PHLPP1: variants seen among roughly 807,000 people sequenced by gnomAD.
PHLPP1 encodes PH domain leucine-rich repeat-containing protein phosphatase 1.
A neutral mutation model predicts 117.2 loss-of-function variants in PHLPP1; 42 were observed. The ratio of observed to expected loss-of-function variants is 0.36; its 90% CI spans 0.28 to 0.46. The LOEUF is 0.46. Ranked by LOEUF, PHLPP1 falls within the 20% of genes least tolerant of loss-of-function variation. The pLI is 1.00. For synonymous variants in PHLPP1, 1,042 were observed against 970.7 expected (o/e 1.07, Z -1.37); for missense variants, 2,084 against 2,241.9 (o/e 0.93, Z 1.42).
At chr18:62,803,296 A>G (rs1470838887) in intron 1 of PHLPP1, among the ~76,000 whole-genome samples, 1 of 152,188 alleles carries the variant, frequency 6.6e-6, no homozygotes, top group African/African-American at 2.4e-5. Context: ...AAGGTATGCA[A>G]GTCTTCATCA....
intron 1 of PHLPP1, among the ~76,000 whole-genome samples, chr18:62,805,432 A>G (rs34089736): frequency 0.057 from 8,644 of 152,154 alleles, 340 homozygotes; most frequent in Middle Eastern, 0.088. Context: ...CATAGAGGTC[A>G]CTGCAACCTT....
chr18:62,960,108 ATTT>A (rs1307054293), intron 13 of PHLPP1, among the ~76,000 whole-genome samples: 2 of 152,236 alleles, frequency 1.3e-5, no homozygotes, highest in Admixed American at 6.5e-5. Context: ...GGATACAAAA[ATTT>A]TTGAGCATTT....
rs527573306 is a variant in PHLPP1 at position 62,794,499 on chromosome 18, A to G, written c.1577-35536A>G. On this transcript the variant is annotated intron_variant, in intron 1 of 16. Transcript: ENST00000262719. ...CTCTTAACCTCAACCTTCTAAGTAG[A>G]TGGGACTACAGCTGCACATCACCAT... Among the ~76,000 whole-genome samples, 9 of 151,902 alleles carry G rather than the reference A, an allele frequency of 5.9e-5. No homozygotes were observed. The South Asian group carries it at 1.9e-3, about 32-fold the overall frequency.
At chr18:62,970,027 T>A (rs1400397876) in intron 14 of PHLPP1, among the ~76,000 whole-genome samples, 2 of 152,196 alleles carry the variant, frequency 1.3e-5, no homozygotes, top group African/African-American at 4.8e-5. Context: ...ATCTGTTCTT[T>A]ATTTCCTTTT....
chr18:62,825,089 G>A (rs1415681201), intron 1 of PHLPP1, among the ~76,000 whole-genome samples: 1 of 151,928 alleles, frequency 6.6e-6, no homozygotes, highest in Non-Finnish European at 1.5e-5. Flanking sequence ...CTCCCGAGTA[G>A]CTAGGACTAT....
chr18:62,860,481 T>C lies in PHLPP1; in HGVS notation c.1946T>C (p.Leu649Pro), dbSNP rs1319983889. ...TCAGTGGACCTCTCGTGTTGTAGCC[T>C]GGAACATCTGCCTGCCAACCTCTTC... ...ISSVDLSCCS[L>P]EHLPANLFYS... Residue 649 changes from leucine to proline, a missense_variant, in exon 4 of 17, where the codon CTG (leucine) becomes CCG (proline). Around this residue, in one of 2 missense-constraint regions of PHLPP1, gnomAD observed 1,365 missense variants for 1,605.9 expected, o/e 0.85. Coordinates refer to ENST00000262719, the MANE Select transcript of PHLPP1 (RefSeq NM_194449.4). 1.2e-6 allele frequency: 2 copies of C among 1,613,854 alleles called. No homozygotes were observed. Among genetic ancestry groups the C allele is most frequent in the Non-Finnish European group, 8.5e-7 (1 of 1,179,860 alleles).
intron 10 of PHLPP1, among the ~76,000 whole-genome samples, chr18:62,930,033 A>G (rs1909760166): frequency 6.6e-6 from 1 of 152,220 alleles, no homozygotes; most frequent in Admixed American, 6.5e-5. Context: ...ATCGATTGCC[A>G]TCTAGGCAAT....
intron 1 of PHLPP1, among the ~76,000 whole-genome samples, chr18:62,747,178 A>ATTTTTAAT (rs1294207893): frequency 6.8e-6 from 1 of 146,684 alleles, no homozygotes; most frequent in Middle Eastern, 3.3e-3. Context: ...TTATGCTCTT[A>ATTTTTAAT]TTTTTAATTC....
intron 2 of PHLPP1, among the ~76,000 whole-genome samples, chr18:62,830,759 T>A (rs1478351274): frequency 1.3e-5 from 2 of 152,210 alleles, no homozygotes; most frequent in Non-Finnish European, 2.9e-5. Context: ...GCATTTTACC[T>A]ACTGGACAGA....
intron 1 of PHLPP1, among the ~76,000 whole-genome samples, chr18:62,724,095 C>T (rs754805263): frequency 6.6e-5 from 10 of 152,312 alleles, no homozygotes; most frequent in African/African-American, 2.4e-4. Flanking sequence ...AAGCAGACCT[C>T]CTCTTTGGTG....
Position 62,838,846 on chromosome 18 carries a change from G to T in PHLPP1, c.1836G>T (p.Gln612His), listed in dbSNP as rs1375968141. ...LAFSSSGPQS[Q>H]TYYICFDTFT... ...TTAGCTCCTCTGGACCCCAAAGCCA[G>T]ACTTACTACATTTGCTTTGATACTT... Residue 612 changes from glutamine to histidine, a missense_variant, in exon 3 of 17, where the codon CAG becomes CAT. Gln to His is a conservative substitution (Grantham distance 24). This residue lies in a region of PHLPP1 where 1,365 missense variants were observed against 1,605.9 expected (regional missense o/e 0.85). Coordinates refer to ENST00000262719, the MANE Select transcript of PHLPP1 (RefSeq NM_194449.4). 1 of 1,613,772 alleles carries T rather than the reference G, an allele frequency of 6.2e-7. No homozygotes were observed. The highest frequency in any genetic ancestry group is 1.1e-5 in the South Asian group (1 of 91,078).
intron 9 of PHLPP1, among the ~76,000 whole-genome samples, chr18:62,918,622 G>A (rs897595509): frequency 3.9e-5 from 6 of 151,966 alleles, no homozygotes; most frequent in Admixed American, 3.9e-4. Context: ...GTTGAGACAG[G>A]TTGCTAGCAT....
intron 7 of PHLPP1, among the ~76,000 whole-genome samples, chr18:62,904,001 A>C (rs1916788300): frequency 6.6e-6 from 1 of 152,228 alleles, no homozygotes; most frequent in South Asian, 2.1e-4. Flanking sequence ...AGTGTTCACT[A>C]CTGCAAGTTG....
chr18:62,854,763 C>T (rs1255846159), intron 3 of PHLPP1, among the ~76,000 whole-genome samples: 3 of 141,438 alleles, frequency 2.1e-5, no homozygotes, highest in Non-Finnish European at 4.5e-5. Flanking sequence ...ATGGCTCAAT[C>T]TTGGTTCACT....
chr18:62,956,377 G>A (rs1463570421), intron 12 of PHLPP1, among the ~76,000 whole-genome samples: 1 of 152,240 alleles, frequency 6.6e-6, no homozygotes, highest in South Asian at 2.1e-4. Context: ...CCATGCATGA[G>A]GGCAAAGCCC....
chr18:62,829,185 G>A (rs1215740124), intron 1 of PHLPP1, among the ~76,000 whole-genome samples: 1 of 152,090 alleles, frequency 6.6e-6, no homozygotes, highest in Non-Finnish European at 1.5e-5. Flanking sequence ...TGCTGGGATA[G>A]TATTTCTAAT....
chr18:62,940,354 C>CTTTTTTTTTTTTTTTTTTT lies in PHLPP1; in HGVS notation c.2961-1354_2961-1336dup, dbSNP rs66530466. On this transcript the variant is annotated intron_variant, in intron 10 of 16. Transcript: ENST00000262719. ...ATCCACGTTTCTTTTTCTTTCTTTT[C>CTTTTTTTTTTTTTTTTTTT]TTTTTTTTTTTTTTTTTTTTTTTTT... Among the ~76,000 whole-genome samples, 78 of 46,832 alleles carry CTTTTTTTTTTTTTTTTTTT rather than the reference C, an allele frequency of 1.7e-3. 3 individuals are homozygous for CTTTTTTTTTTTTTTTTTTT. Among genetic ancestry groups the CTTTTTTTTTTTTTTTTTTT allele is most frequent in the Non-Finnish European group, 2.0e-3 (56 of 27,330 alleles). The allele number at this position is 46,832 out of a possible 152,430, so 30.7% of individuals were successfully genotyped here. A position where few individuals can be genotyped will look rare whatever the true frequency, so the allele number is the denominator to read the frequency against.
At chr18:62,928,597 A>G (rs945036018) in intron 10 of PHLPP1, among the ~76,000 whole-genome samples, 4 of 152,192 alleles carry the variant, frequency 2.6e-5, no homozygotes, top group Middle Eastern at 3.2e-3. Flanking sequence ...TGGAAAACAG[A>G]TTGTCAGTTC....
intron 13 of PHLPP1, among the ~76,000 whole-genome samples, chr18:62,961,458 TC>T (rs1225164068): frequency 6.6e-6 from 1 of 152,094 alleles, no homozygotes; most frequent in African/African-American, 2.4e-5. Flanking sequence ...ATTTTTTTTT[TC>T]CTTTAATAAT....
Sources: gnomAD v4.1 joint callset for allele counts (sites outside exome capture counted in the v4.1 genomes callset) on GRCh38, gnomAD v4.1.1 for gene constraint, gnomAD v4.1.1 regional missense constraint, MANE v1.5 for transcripts, NCBI Gene and HGNC (gene_info 2026-07-23, HGNC 2026-07-21) for gene names.